Variants in SEMA6D observed in about 807,000 individuals in gnomAD.
The protein encoded by SEMA6D is semaphorin 6D.
Under a neutral mutation model 106.6 loss-of-function variants are expected in SEMA6D, and 35 were observed. That is an observed-to-expected ratio of 0.33 (90% CI 0.25 to 0.44). SEMA6D has a LOEUF of 0.44. SEMA6D is among the 20% of genes least tolerant of loss of function. The pLI is 1.00. For missense variants in SEMA6D, 1,185 were observed against 1,345.9 expected (o/e 0.88, Z 1.87); for synonymous variants, 499 against 487.7 (o/e 1.02, Z -0.31).
At chr15:47,411,280 A>G (rs377587230) in intron 1 of SEMA6D, among the ~76,000 whole-genome samples, 1 of 152,132 alleles carries the variant, frequency 6.6e-6, no homozygotes, top group South Asian at 2.1e-4. Context: ...TATTTTTAGC[A>G]GAGACGGGGT....
At chr15:47,266,168 CTA>C (rs945605701) in intron 1 of SEMA6D, among the ~76,000 whole-genome samples, 2 of 152,118 alleles carry the variant, frequency 1.3e-5, no homozygotes, top group African/African-American at 4.8e-5. Flanking sequence ...ACAGTTTTGC[CTA>C]TCTCTCCAAT....
At chr15:47,696,102 G>A (rs1566993932) in intron 4 of SEMA6D, among the ~76,000 whole-genome samples, 2 of 151,976 alleles carry the variant, frequency 1.3e-5, no homozygotes, top group South Asian at 4.2e-4. Context: ...CACCCTTAAC[G>A]CGCTTCCTTG....
At chr15:47,692,753 T>C (rs913646283) in intron 4 of SEMA6D, among the ~76,000 whole-genome samples, 3 of 152,138 alleles carry the variant, frequency 2.0e-5, no homozygotes, top group Non-Finnish European at 4.4e-5. Context: ...GCCAGTGACC[T>C]TCTCTTTTCT....
intron 3 of SEMA6D, among the ~76,000 whole-genome samples, chr15:47,581,559 G>C (rs1451796337): frequency 1.3e-5 from 2 of 152,178 alleles, no homozygotes; most frequent in Non-Finnish European, 2.9e-5. Context: ...CAAAAATCTA[G>C]CTAAGAGCAT....
intron 3 of SEMA6D, among the ~76,000 whole-genome samples, chr15:47,599,059 A>G (rs1364228845): frequency 6.6e-6 from 1 of 152,066 alleles, no homozygotes; most frequent in African/African-American, 2.4e-5. Context: ...ATCGATGAGC[A>G]TTCCTGGGTG....
chr15:47,269,369 A>G (rs1156408856), intron 1 of SEMA6D, among the ~76,000 whole-genome samples: 14 of 152,084 alleles, frequency 9.2e-5, no homozygotes, highest in African/African-American at 3.4e-4. Flanking sequence ...GCTCATTAAA[A>G]AAAAAAGAAT....
intron 2 of SEMA6D, among the ~76,000 whole-genome samples, chr15:47,414,022 C>T (rs2040881652): frequency 1.1e-5 from 1 of 89,554 alleles, no homozygotes; most frequent in South Asian, 3.8e-4. Flanking sequence ...CATATTATTG[C>T]AGTAACTTTT....
chr15:47,324,107 G>C (rs538232470), intron 1 of SEMA6D, among the ~76,000 whole-genome samples: 2 of 151,316 alleles, frequency 1.3e-5, no homozygotes, highest in East Asian at 3.9e-4. Flanking sequence ...CTGTAGTTTG[G>C]TTTTCTTCTT....
chr15:47,190,031 T>G (rs961132410), intron 1 of SEMA6D, among the ~76,000 whole-genome samples: 1 of 152,204 alleles, frequency 6.6e-6, no homozygotes, highest in Non-Finnish European at 1.5e-5. Flanking sequence ...CTGGAGTAAA[T>G]TCGCATTGTG....
intron 3 of SEMA6D, among the ~76,000 whole-genome samples, chr15:47,532,048 T>G (rs1427915031): frequency 6.6e-6 from 1 of 152,212 alleles, no homozygotes; most frequent in African/African-American, 2.4e-5. Context: ...AGTTAATTCC[T>G]CTGCCTCTCT....
chr15:47,675,422 C>T (rs139366872), intron 4 of SEMA6D, among the ~76,000 whole-genome samples: 5 of 152,176 alleles, frequency 3.3e-5, no homozygotes, highest in African/African-American at 9.6e-5. Flanking sequence ...GGGCACACAC[C>T]GAGGAAAGGC....
chr15:47,455,316 T>C (rs1230517816), intron 2 of SEMA6D, among the ~76,000 whole-genome samples: 1 of 151,976 alleles, frequency 6.6e-6, no homozygotes, highest in Admixed American at 6.6e-5. Flanking sequence ...CAAGATTCAA[T>C]AGTTAAAATT....
In SEMA6D at chr15:47,772,414, T is replaced by G. The variant is rs1231738554; in HGVS notation, c.*629T>G. 6.8e-6 allele frequency: 1 copy of G among 147,226 alleles called. No individual in the cohort carries two copies. Among genetic ancestry groups the G allele is most frequent in the Non-Finnish European group, 1.5e-5 (1 of 67,238 alleles). The allele number at this position is 147,226 out of a possible 1,614,324, so 9.1% of individuals were successfully genotyped here. ...TGTTCTGTACCCACTAGGATTTGTT[T>G]AGGTGCCCATTGCATCTTTTTGTGC... On this transcript the variant is annotated 3_prime_UTR_variant, in exon 19 of 19. Coordinates refer to ENST00000536845, the MANE Select transcript of SEMA6D (RefSeq NM_001358351.3).
intron 3 of SEMA6D, among the ~76,000 whole-genome samples, chr15:47,553,562 T>G (rs2045827047): frequency 6.6e-6 from 1 of 152,154 alleles, no homozygotes; most frequent in Non-Finnish European, 1.5e-5. Context: ...CAGTGAATAT[T>G]AGACTTGAAA....
chr15:47,316,249 C>A (rs539813115), intron 1 of SEMA6D, among the ~76,000 whole-genome samples: 6 of 151,748 alleles, frequency 4.0e-5, no homozygotes, highest in African/African-American at 9.7e-5. Flanking sequence ...CCCGCCACCA[C>A]GCCTAGCTAA....
At chr15:47,499,562 T>C (rs1040239820) in intron 3 of SEMA6D, among the ~76,000 whole-genome samples, 2 of 152,200 alleles carry the variant, frequency 1.3e-5, no homozygotes, top group Admixed American at 1.3e-4. Flanking sequence ...GTATGATGAC[T>C]AGGTCATGCT....
At chr15:47,525,145 T>G (rs1373736940) in intron 3 of SEMA6D, 1 of 152,232 alleles carries the variant, frequency 6.6e-6, no homozygotes, top group Non-Finnish European at 1.5e-5. Context: ...CTCTCTGTCC[T>G]TCTCCTCTTG....
At chr15:47,257,286 T>C (rs2033858285) in intron 1 of SEMA6D, among the ~76,000 whole-genome samples, 1 of 152,178 alleles carries the variant, frequency 6.6e-6, no homozygotes, top group African/African-American at 2.4e-5. Context: ...CTCCATCTCC[T>C]GACTTCGTGA....
chr15:47,212,284 T>C (rs2030103786), intron 1 of SEMA6D, among the ~76,000 whole-genome samples: 1 of 152,220 alleles, frequency 6.6e-6, no homozygotes, highest in African/African-American at 2.4e-5. Flanking sequence ...CACTGACTGC[T>C]ATTGGGTGGT....
Sources: allele counts gnomAD v4.1 joint callset (sites outside exome capture counted in the v4.1 genomes callset), GRCh38; gene constraint gnomAD v4.1.1; transcripts MANE v1.5; gene names NCBI Gene and HGNC (gene_info 2026-07-23, HGNC 2026-07-21).